The following ZNF407 variants were observed in gnomAD, a reference collection of about 807,000 sequenced individuals.
ZNF407 encodes zinc finger protein 407.
A neutral mutation model predicts 131.2 loss-of-function variants in ZNF407; 17 were observed. The observed-to-expected ratio is 0.13, with a 90% CI of 0.09 to 0.19. ZNF407 has a LOEUF of 0.19. ZNF407 is among the 10% of genes least tolerant of loss of function. ZNF407 has a pLI of 1.00. For missense variants in ZNF407, 2,681 were observed against 2,830.6 expected (o/e 0.95, Z 1.20); for synonymous variants, 1,156 against 1,062.0 (o/e 1.09, Z -1.72).
intron 4 of ZNF407, among the ~76,000 whole-genome samples, chr18:74,787,791 T>C (rs1236442509): frequency 6.6e-6 from 1 of 152,258 alleles, no homozygotes; most frequent in South Asian, 2.1e-4. Flanking sequence ...CTTCCTTTCG[T>C]AAATTGACTC....
intron 8 of ZNF407, among the ~76,000 whole-genome samples, chr18:74,971,576 T>TGTAAAGATGA (rs1972473111): frequency 6.6e-6 from 1 of 152,174 alleles, no homozygotes; most frequent in Non-Finnish European, 1.5e-5. Context: ...TTACTCCAGT[T>TGTAAAGATGA]CTCAACAAGT....
In ZNF407 at chr18:74,633,178, T is replaced by C; in HGVS notation, c.2159T>C (p.Leu720Pro). The change falls in exon 2 of 9, where the codon CTC becomes CCC. Residue 720 changes from leucine to proline, a missense_variant. Leu to Pro is a moderately conservative substitution (Grantham distance 98). Transcript: ENST00000299687. ...CFYKTRSSTVLTRHIKLRHGQ... is the reference protein window; with the variant it reads ...CFYKTRSSTVPTRHIKLRHGQ... ...TATAAAACAAGATCTTCTACTGTTC[T>C]CACGAGACATATAAAGCTTCGGCAT... 12 of 1,613,664 alleles carry C rather than the reference T, an allele frequency of 7.4e-6. No individual in the cohort carries two copies. The highest frequency in any genetic ancestry group is 1.0e-5 in the Non-Finnish European group (12 of 1,179,756).
At chr18:74,657,516 A>G (rs972273277) in intron 3 of ZNF407, among the ~76,000 whole-genome samples, 1 of 152,168 alleles carries the variant, frequency 6.6e-6, no homozygotes, top group Non-Finnish European at 1.5e-5. Context: ...TTACTTAACC[A>G]TTCGTCTCCT....
intron 4 of ZNF407, among the ~76,000 whole-genome samples, chr18:74,871,120 C>T (rs945296388): frequency 3.9e-5 from 6 of 152,154 alleles, no homozygotes; most frequent in Admixed American, 6.5e-5. Flanking sequence ...TCTAAGCACA[C>T]GGCGCTCCTG....
At chr18:74,865,299 A>G (rs1343480645) in intron 4 of ZNF407, among the ~76,000 whole-genome samples, 3 of 152,220 alleles carry the variant, frequency 2.0e-5, no homozygotes, top group Non-Finnish European at 4.4e-5. Flanking sequence ...CAATGTAAAC[A>G]GTTGTGTGGT....
chr18:74,933,963 C>T (rs1017813498), intron 8 of ZNF407, among the ~76,000 whole-genome samples: 7 of 152,010 alleles, frequency 4.6e-5, no homozygotes, highest in South Asian at 2.1e-4. Flanking sequence ...AATTTATCCT[C>T]GTAATCACTT....
intron 8 of ZNF407, among the ~76,000 whole-genome samples, chr18:74,979,402 C>T (rs1465606326): frequency 6.6e-6 from 1 of 152,220 alleles, no homozygotes; most frequent in African/African-American, 2.4e-5. Flanking sequence ...AGCAATTCTC[C>T]TACCTCAGCC....
chr18:75,041,523 G>A (rs1223267616), intron 8 of ZNF407, among the ~76,000 whole-genome samples: 1 of 150,880 alleles, frequency 6.6e-6, no homozygotes, highest in Non-Finnish European at 1.5e-5. Flanking sequence ...CCACTCCTAC[G>A]ATGTCTTTTT....
intron 3 of ZNF407, among the ~76,000 whole-genome samples, chr18:74,750,204 G>T (rs1344155726): frequency 6.6e-6 from 1 of 151,954 alleles, no homozygotes; most frequent in Non-Finnish European, 1.5e-5. Flanking sequence ...AATTCTTTTA[G>T]GCATTACTAT....
At chr18:74,755,734 T>TTTCC (rs1214990818) in intron 3 of ZNF407, among the ~76,000 whole-genome samples, 9 of 101,690 alleles carry the variant, frequency 8.9e-5, no homozygotes, top group Non-Finnish European at 1.3e-4. Flanking sequence ...CTTTCCTTTC[T>TTTCC]TTCTTTCTTT....
At chr18:74,984,842 A>C (rs1212783227) in intron 8 of ZNF407, among the ~76,000 whole-genome samples, 2 of 145,048 alleles carry the variant, frequency 1.4e-5, no homozygotes, top group Non-Finnish European at 2.9e-5. Flanking sequence ...GTATCACATA[A>C]CTGGACTTCT....
At chr18:74,693,735 A>G in intron 3 of ZNF407, among the ~76,000 whole-genome samples, 1 of 151,900 alleles carries the variant, frequency 6.6e-6, no homozygotes, top group Non-Finnish European at 1.5e-5. Flanking sequence ...GGTTTGTTAA[A>G]TTTCTCTGAT....
At chr18:75,018,510 A>T (rs1973070954) in intron 8 of ZNF407, among the ~76,000 whole-genome samples, 1 of 152,044 alleles carries the variant, frequency 6.6e-6, no homozygotes, top group East Asian at 1.9e-4. Context: ...AATTATTTTG[A>T]ATAACAATCC....
chr18:74,996,437 T>C (rs1972781236), intron 8 of ZNF407, among the ~76,000 whole-genome samples: 1 of 152,252 alleles, frequency 6.6e-6, no homozygotes, highest in Non-Finnish European at 1.5e-5. Flanking sequence ...TTGGGCATTC[T>C]GGATGTGTTT....
intron 3 of ZNF407, among the ~76,000 whole-genome samples, chr18:74,736,834 A>G (rs1427341731): frequency 6.6e-6 from 1 of 152,216 alleles, no homozygotes; most frequent in Non-Finnish European, 1.5e-5. Flanking sequence ...GTCTCCGTTC[A>G]TATAGTGATG....
intron 1 of ZNF407, among the ~76,000 whole-genome samples, chr18:74,602,923 G>GA (rs1982644683): frequency 1.4e-5 from 2 of 148,050 alleles, no homozygotes; most frequent in African/African-American, 5.0e-5. Flanking sequence ...TGGGGGCAGG[G>GA]AAAATGCCTC....
chr18:75,039,365 G>T (rs2122237383), intron 8 of ZNF407, among the ~76,000 whole-genome samples: 1 of 152,310 alleles, frequency 6.6e-6, no homozygotes, highest in East Asian at 1.9e-4. Flanking sequence ...AATTAGTGCA[G>T]TAATTAACGT....
rs540152417 is a variant in ZNF407, at chr18:74,720,707, C to T, written c.4803-60721C>T. Among the ~76,000 whole-genome samples, 70 of 152,130 alleles carry T rather than the reference C, an allele frequency of 4.6e-4. 1 individual carries two copies. Among genetic ancestry groups the T allele is most frequent in the African/African-American group, 1.6e-3 (65 of 41,502 alleles). On this transcript the variant is annotated intron_variant, in intron 3 of 8. Coordinates refer to ENST00000299687, the MANE Select transcript of ZNF407 (RefSeq NM_017757.3). ...TTAGAGGTGGGGGTCTAGTTTCATT[C>T]TTCTGCAAATGAATATCAGATATGC...
intron 8 of ZNF407, among the ~76,000 whole-genome samples, chr18:74,963,046 A>G (rs573750444): frequency 2.0e-5 from 3 of 152,212 alleles, no homozygotes; most frequent in Non-Finnish European, 4.4e-5. Context: ...CAGCAGCCAC[A>G]TAGAATCATT....
Sources: gnomAD v4.1 joint callset for allele counts (sites outside exome capture counted in the v4.1 genomes callset) on GRCh38, gnomAD v4.1.1 for gene constraint, MANE v1.5 for transcripts, NCBI Gene and HGNC (gene_info 2026-07-23, HGNC 2026-07-21) for gene names.